GMDS: variants seen among roughly 807,000 people sequenced by gnomAD.
GMDS encodes GDP-mannose 4,6 dehydratase.
A neutral mutation model predicts 49.9 loss-of-function variants in GMDS; 20 were observed. The observed-to-expected ratio is 0.40, with a 90% CI of 0.28 to 0.58. The LOEUF is 0.58. Among genes scored for constraint, GMDS ranks in the 20% least tolerant of loss-of-function variants. GMDS has a pLI of 0.42. For missense variants in GMDS, 362 were observed against 481.4 expected (o/e 0.75, Z 2.32); for synonymous variants, 177 against 178.6 (o/e 0.99, Z 0.07).
chr6:2,141,999 A>C (rs17134714), intron 1 of GMDS, among the ~76,000 whole-genome samples: 16,629 of 151,590 alleles, frequency 0.11, 3,013 homozygotes, highest in African/African-American at 0.38. Context: ...CGGCTTATCC[A>C]TTTGGCGGTA....
intron 9 of GMDS, among the ~76,000 whole-genome samples, chr6:1,706,216 G>T (rs542199971): frequency 1.3e-5 from 2 of 152,136 alleles, no homozygotes; most frequent in African/African-American, 4.8e-5. Flanking sequence ...AGATGTGTGC[G>T]GTGTGCTGGC....
chr6:2,066,441 C>A (rs1347459508), intron 4 of GMDS, among the ~76,000 whole-genome samples: 6 of 148,908 alleles, frequency 4.0e-5, no homozygotes, highest in Non-Finnish European at 5.9e-5. Context: ...TGTAAATGGA[C>A]TAAATGCTCC....
intron 7 of GMDS, among the ~76,000 whole-genome samples, chr6:1,902,677 C>T (rs1274884951): frequency 6.6e-6 from 1 of 152,152 alleles, no homozygotes; most frequent in Non-Finnish European, 1.5e-5. Flanking sequence ...TGACGACTCA[C>T]AATGTCACTA....
intron 9 of GMDS, 33 bp from the exon 10 acceptor site, chr6:1,624,573 TG>T: frequency 6.6e-7 from 1 of 1,515,734 alleles, no homozygotes; most frequent in Non-Finnish European, 9.1e-7. Context: ...GAAGCAGGCG[TG>T]GGTCGTGGGG....
chr6:1,837,530 A>C (rs1444317241), intron 7 of GMDS, among the ~76,000 whole-genome samples: 1 of 152,108 alleles, frequency 6.6e-6, no homozygotes, highest in Non-Finnish European at 1.5e-5. Flanking sequence ...CCCCGTCCCG[A>C]ATCCTGAATT....
chr6:1,655,249 G>A (rs1392555033), intron 9 of GMDS, among the ~76,000 whole-genome samples: 1 of 152,068 alleles, frequency 6.6e-6, no homozygotes, highest in East Asian at 1.9e-4. Context: ...TATCATTAGT[G>A]CCTAGCACAG....
intron 6 of GMDS, among the ~76,000 whole-genome samples, chr6:1,935,152 T>C (rs1762464989): frequency 6.6e-6 from 1 of 152,214 alleles, no homozygotes; most frequent in South Asian, 2.1e-4. Context: ...GTTAGCTCAA[T>C]GAATGGAGGG....
At chr6:1,631,884 T>A (rs560005547) in intron 9 of GMDS, among the ~76,000 whole-genome samples, 60 of 152,318 alleles carry the variant, frequency 3.9e-4, no homozygotes, top group African/African-American at 1.4e-3. Context: ...ACAATTACTG[T>A]GATATCTGTT....
chr6:2,145,637 G>A (rs1024168328), intron 1 of GMDS, among the ~76,000 whole-genome samples: 2 of 151,998 alleles, frequency 1.3e-5, no homozygotes, highest in Non-Finnish European at 2.9e-5. Context: ...ACGTCAGATG[G>A]AAAATATTCA....
chr6:2,198,260 C>A (rs1779360083), intron 1 of GMDS, among the ~76,000 whole-genome samples: 1 of 152,204 alleles, frequency 6.6e-6, no homozygotes, highest in Non-Finnish European at 1.5e-5. Context: ...ATGCATATGC[C>A]TGTACACATT....
chr6:1,810,776 T>G (rs777343282), intron 7 of GMDS, among the ~76,000 whole-genome samples: 2 of 152,214 alleles, frequency 1.3e-5, no homozygotes, highest in African/African-American at 2.4e-5. Flanking sequence ...GAGATCAGAT[T>G]GGCATTTAGA....
intron 9 of GMDS, among the ~76,000 whole-genome samples, chr6:1,706,737 T>C (rs1765751820): frequency 6.6e-6 from 1 of 152,206 alleles, no homozygotes; most frequent in Non-Finnish European, 1.5e-5. Context: ...GTGATCATAC[T>C]GTTTGCGCAT....
At chr6:2,099,522 GT>G (rs1016946077) in intron 4 of GMDS, among the ~76,000 whole-genome samples, 10 of 151,978 alleles carry the variant, frequency 6.6e-5, no homozygotes, top group African/African-American at 2.2e-4. Context: ...TTTCATGGAA[GT>G]TCATGTATAT....
At chr6:1,631,287 C>T (rs961392770) in intron 9 of GMDS, among the ~76,000 whole-genome samples, 18 of 152,184 alleles carry the variant, frequency 1.2e-4, no homozygotes, top group African/African-American at 4.1e-4. Context: ...GGCCTCTTTC[C>T]TAGAGATGAA....
intron 7 of GMDS, among the ~76,000 whole-genome samples, chr6:1,829,982 A>G (rs1771285260): frequency 6.6e-6 from 1 of 152,176 alleles, no homozygotes; most frequent in Non-Finnish European, 1.5e-5. Context: ...GTTTTGAGTT[A>G]TCTTACATAG....
intron 1 of GMDS, among the ~76,000 whole-genome samples, chr6:2,211,542 T>C (rs1385887611): frequency 1.3e-5 from 2 of 152,186 alleles, no homozygotes; most frequent in African/African-American, 2.4e-5. Flanking sequence ...AAATAGACCC[T>C]ACATCAAAAG....
intron 4 of GMDS, among the ~76,000 whole-genome samples, chr6:2,013,217 G>T (rs1383474797): frequency 6.6e-6 from 1 of 152,162 alleles, no homozygotes; most frequent in Non-Finnish European, 1.5e-5. Context: ...AGGTATCCTA[G>T]ACAAGAGAGT....
chr6:1,851,961 A>T lies in GMDS; in HGVS notation c.771+78142T>A, dbSNP rs1386294415. Among the ~76,000 whole-genome samples, 3 of 152,294 alleles carry T rather than the reference A, an allele frequency of 2.0e-5. No individual in the cohort carries two copies. The East Asian group carries it at 5.8e-4, about 29-fold the overall frequency. On this transcript the variant is annotated intron_variant, in intron 7 of 10. Coordinates refer to ENST00000380815, the MANE Select transcript of GMDS (RefSeq NM_001500.4). The stretch of plus-strand genomic sequence containing the variant: ...CTGTGACCATGGGTACTAACGTCTC[A>T]GCACCCTATCACTGGCAGGGAGAGG...
At chr6:1,747,218 G>A (rs1271702693) in intron 7 of GMDS, among the ~76,000 whole-genome samples, 4 of 152,144 alleles carry the variant, frequency 2.6e-5, no homozygotes, top group South Asian at 2.1e-4. Flanking sequence ...ACCTGATTCC[G>A]TGCATGCCTT....
Sources: allele counts gnomAD v4.1 joint callset (sites outside exome capture counted in the v4.1 genomes callset), GRCh38; gene constraint gnomAD v4.1.1; transcripts MANE v1.5; gene names NCBI Gene and HGNC (gene_info 2026-07-23, HGNC 2026-07-21).